CLCF1: variants seen among roughly 807,000 people sequenced by gnomAD.
The protein encoded by CLCF1 is cardiotrophin like cytokine factor 1.
A neutral mutation model predicts 21.2 loss-of-function variants in CLCF1; 10 were observed. The observed-to-expected ratio is 0.47, with a 90% CI of 0.29 to 0.80. The LOEUF (loss-of-function observed/expected upper bound fraction) is 0.80, where lower values mean the gene tolerates loss of function less well. Ranked by LOEUF, CLCF1 falls within the 30% of genes least tolerant of loss-of-function variation. The pLI, the probability that CLCF1 is intolerant of heterozygous loss-of-function variation, is 0.09. For missense variants in CLCF1, 240 were observed against 293.4 expected (o/e 0.82, Z 1.33); for synonymous variants, 115 against 120.5 (o/e 0.95, Z 0.30).
rs1862253134 is a variant in CLCF1 at position 67,372,288 on chromosome 11, C to G, written c.16+1236G>C. Among the ~76,000 whole-genome samples the G allele has an allele frequency of 6.6e-6, 1 of 151,950 alleles. No individual in the cohort carries two copies. Among genetic ancestry groups the G allele is most frequent in the Non-Finnish European group, 1.5e-5 (1 of 67,942 alleles). On this transcript the variant is annotated intron_variant, in intron 1 of 2. Coordinates refer to ENST00000312438, the MANE Select transcript of CLCF1 (RefSeq NM_013246.3). This position sits in a 1 kb window ranked among gnomAD's most constrained non-coding sequence, Gnocchi z 5.9. ...AGCCCCTCACACCCCGGGGGGAGGG[C>G]CAGGCTGGGAGCTGGGGGAACAGGG...
At position 67,365,124 on chromosome 11, in the gene CLCF1, G is replaced by C; in HGVS notation, c.*12C>G. 2 of 1,613,646 alleles carry C rather than the reference G, an allele frequency of 1.2e-6. No homozygotes were observed. The highest frequency in any genetic ancestry group is 1.7e-6 in the Non-Finnish European group (2 of 1,180,022). ...GGGTTTGAAGGGGGAGCGAAGAGGA[G>C]AAGGTCAGAAGTCAGAAGCCATGAG... On this transcript the variant is annotated 3_prime_UTR_variant, in exon 3 of 3. Transcript: ENST00000312438. The surrounding 1 kb of genome is among the most constrained non-coding windows in gnomAD (Gnocchi z 5.0).
At chr11:67,370,500 C>T (rs1195031813) in intron 1 of CLCF1, 2 of 984,744 alleles carry the variant, frequency 2.0e-6, no homozygotes, top group South Asian at 4.7e-5. Flanking sequence ...CGGCTGAGCA[C>T]GTGAGGAGCT....
chr11:67,373,877 C>T (rs1350932775), upstream of CLCF1: 2 of 957,956 alleles, frequency 2.1e-6, no homozygotes, highest in Non-Finnish European at 2.6e-6. Flanking sequence ...GTGGCGGTAC[C>T]ACCCTGGGCC....
In CLCF1 at chr11:67,364,277, G is replaced by A. The variant is rs1377457574; in HGVS notation, c.*859C>T. The A allele has an allele frequency of 6.6e-6, 1 of 152,552 alleles. No individual in the cohort carries two copies. Among genetic ancestry groups the A allele is most frequent in the Non-Finnish European group, 1.5e-5 (1 of 68,046 alleles). 9.4% of individuals were successfully genotyped at this position (152,552 alleles called of 1,614,324 possible). On this transcript the variant is annotated 3_prime_UTR_variant, in exon 3 of 3. Coordinates refer to ENST00000312438, the MANE Select transcript of CLCF1 (RefSeq NM_013246.3). Reference sequence around the variant, plus strand: ...TAAATATTAATACAACACACTTAGAGTCATGAGTGGGTGGGGCTGGGGGGC... The same window carrying A: ...TAAATATTAATACAACACACTTAGAATCATGAGTGGGTGGGGCTGGGGGGC...
chr11:67,368,135 C>T lies in CLCF1; in HGVS notation c.17-509G>A, dbSNP rs931693723. The T allele has an allele frequency of 6.7e-5, 66 of 985,180 alleles. No individual in the cohort carries two copies. The Admixed American group carries it at 2.5e-3, about 38-fold the overall frequency. 61.0% of individuals were successfully genotyped at this position (985,180 alleles called of 1,614,324 possible). On this transcript the variant is annotated intron_variant, in intron 1 of 2. Coordinates refer to ENST00000312438, the MANE Select transcript of CLCF1 (RefSeq NM_013246.3). The stretch of plus-strand genomic sequence containing the variant: ...AGGGAGGAAGCAGGAGAGAGGCGGC[C>T]GCCAAGAACAGACTCACCCATAGGA...
rs1862063908 is a variant in CLCF1, at chr11:67,364,885, C to T, written c.*251G>A. 2 of 574,816 alleles carry T rather than the reference C, an allele frequency of 3.5e-6. No homozygotes were observed. Among genetic ancestry groups the T allele is most frequent in the East Asian group, 6.4e-5 (2 of 31,244 alleles). 35.6% of individuals were successfully genotyped at this position (574,816 alleles called of 1,614,324 possible). A position where few individuals can be genotyped will look rare whatever the true frequency, so the allele number is the denominator to read the frequency against. Reference sequence around the variant, plus strand: ...CTCTGCACCAACCTGAACCACTTCACACTCCCTCGAGCATGACTTCCTGTA... The same window carrying T: ...CTCTGCACCAACCTGAACCACTTCATACTCCCTCGAGCATGACTTCCTGTA... On this transcript the variant is annotated 3_prime_UTR_variant, in exon 3 of 3. Coordinates refer to ENST00000312438, the MANE Select transcript of CLCF1 (RefSeq NM_013246.3).
intron 2 of CLCF1, among the ~76,000 whole-genome samples, chr11:67,366,167 A>G (rs1358115781): frequency 6.6e-6 from 1 of 152,148 alleles, no homozygotes; most frequent in Non-Finnish European, 1.5e-5. Context: ...TGGGGCCTGG[A>G]AGCCAGATTG....
intron 1 of CLCF1, chr11:67,370,704 T>C: frequency 1.0e-6 from 1 of 985,278 alleles, no homozygotes; most frequent in Non-Finnish European, 1.2e-6. Context: ...CGTGAGCACA[T>C]GTCTTTAGCC....
chr11:67,374,013 C>T, upstream of CLCF1: 1 of 838,390 alleles, frequency 1.2e-6, no homozygotes. Context: ...TGCCCCCTGT[C>T]CCCTGCCGAT....
rs374245371 is a variant in CLCF1 at position 67,368,109 on chromosome 11, A to G, written c.17-483T>C. ...TGGCAGGCTGAGCACAGTCAGCCCT[A>G]AGGGAGGAAGCAGGAGAGAGGCGGC... is the stretch of plus-strand genomic sequence containing the variant. On this transcript the variant is annotated intron_variant, in intron 1 of 2. Coordinates refer to ENST00000312438, the MANE Select transcript of CLCF1 (RefSeq NM_013246.3). 53 of 985,364 alleles carry G rather than the reference A, an allele frequency of 5.4e-5. No individual in the cohort carries two copies. In the African/African-American group the frequency reaches 7.8e-4, roughly 15 times the overall value. The allele number at this position is 985,364 out of a possible 1,614,324, so 61.0% of individuals were successfully genotyped here.
At chr11:67,373,786 A>G (rs1347792357), upstream of CLCF1, 17 of 328,222 alleles carry the variant, frequency 5.2e-5, no homozygotes, top group Admixed American at 1.2e-3. Flanking sequence ...TGGGGGTAGG[A>G]GGGGGGAGGA....
rs912598225 is a variant in CLCF1, at chr11:67,372,610, TC to T, written c.16+913del. Among the ~76,000 whole-genome samples the T allele has an allele frequency of 1.1e-4, 15 of 138,056 alleles. No individual in the cohort carries two copies. Among genetic ancestry groups the T allele is most frequent in the Admixed American group, 7.7e-4 (11 of 14,366 alleles). 90.6% of individuals were successfully genotyped at this position (138,056 alleles called of 152,430 possible). Reference sequence around the variant, plus strand: ...CTCCCGCTCCCGCCCGGTCGCTCCTTCCCCGCGGCGGGGGCGGGGGCGGGGG... The same window carrying T: ...CTCCCGCTCCCGCCCGGTCGCTCCTTCCCGCGGCGGGGGCGGGGGCGGGGG... On this transcript the variant is annotated intron_variant, in intron 1 of 2. Transcript: ENST00000312438. This position sits in a 1 kb window ranked among gnomAD's most constrained non-coding sequence, Gnocchi z 5.9.
chr11:67,369,617 G>C (rs568182077), intron 1 of CLCF1: 2 of 985,424 alleles, frequency 2.0e-6, no homozygotes, highest in African/African-American at 1.7e-5. Context: ...CTGCTGAATT[G>C]GGCAGCGGCC....
At chr11:67,368,295 CAG>C (rs1259411073) in intron 1 of CLCF1, 1 of 985,210 alleles carries the variant, frequency 1.0e-6, no homozygotes, top group Non-Finnish European at 1.2e-6. Flanking sequence ...TGCTCACTCT[CAG>C]GGAACGGTGG....
rs1590912449 is a variant in CLCF1 at position 67,365,486 on chromosome 11, A to G, written c.328T>C (p.Tyr110His). The G allele has an allele frequency of 1.7e-5, 28 of 1,614,126 alleles. No homozygotes were observed. The highest frequency in any genetic ancestry group is 2.3e-5 in the Non-Finnish European group (27 of 1,179,976). ...CGCAAGTAACACAGAAGGTGGCTGT[A>G]GGCCTCGTAGTTCTGGGTCAGCCGC... ...KLRLTQNYEA[Y>H]SHLLCYLRGL... The change falls in exon 3 of 3, where the codon TAC becomes CAC. Residue 110 changes from tyrosine (Y) to histidine (H), a missense_variant. Transcript: ENST00000312438. The surrounding 1 kb of genome is among the most constrained non-coding windows in gnomAD (Gnocchi z 5.0).
Position 67,365,112 on chromosome 11 carries a change from G to A in CLCF1, c.*24C>T. The A allele has an allele frequency of 6.2e-7, 1 of 1,613,156 alleles. No individual in the cohort carries two copies. ...AAAGTGGGAGCAGGGTTTGAAGGGG[G>A]AGCGAAGAGGAGAAGGTCAGAAGTC... is the stretch of plus-strand genomic sequence containing the variant. On this transcript the variant is annotated 3_prime_UTR_variant, in exon 3 of 3. Transcript: ENST00000312438. This position sits in a 1 kb window ranked among gnomAD's most constrained non-coding sequence, Gnocchi z 5.0.
upstream of CLCF1, chr11:67,373,844 G>C (rs930373478): frequency 2.1e-5 from 22 of 1,025,592 alleles, no homozygotes; most frequent in Middle Eastern, 3.7e-4. Context: ...CAGCACCGAG[G>C]GGGGGTGAGG....
chr11:67,369,276 C>T (rs1320022177), intron 1 of CLCF1: 18 of 985,214 alleles, frequency 1.8e-5, no homozygotes, highest in Non-Finnish European at 2.2e-5. Flanking sequence ...ACTAAGGGAG[C>T]GTGGCGGTGG....
chr11:67,367,400 C>T (rs1862133531), intron 2 of CLCF1, 60 bp downstream of exon 2: 1 of 1,613,020 alleles, frequency 6.2e-7, no homozygotes, highest in East Asian at 2.2e-5. Flanking sequence ...ACGGTTAGGA[C>T]TGTCTTTCCC....
Sources: gnomAD v4.1 joint callset for allele counts (sites outside exome capture counted in the v4.1 genomes callset) on GRCh38, gnomAD v4.1.1 for gene constraint, Gnocchi (gnomAD v3.1) non-coding constraint, MANE v1.5 for transcripts, NCBI Gene and HGNC (gene_info 2026-07-23, HGNC 2026-07-21) for gene names.